GK: variants seen among roughly 807,000 people sequenced by gnomAD.
The protein encoded by GK is glycerol kinase.
In GK, 9 loss-of-function variants were observed where a neutral mutation model predicts 56.4. The ratio of observed to expected loss-of-function variants is 0.16; its 90% confidence interval spans 0.10 to 0.28. GK has a LOEUF of 0.28. Ranked by LOEUF, GK falls within the 10% of genes least tolerant of loss-of-function variation. The pLI is 1.00. For synonymous variants in GK, 104 were observed against 144.1 expected (o/e 0.72, Z 1.99); for missense variants, 161 against 431.4 (o/e 0.37, Z 5.55).
chrX:30,683,022 G>A (rs1332562165), intron 4 of GK, among the ~76,000 whole-genome samples: 1 of 110,781 alleles, frequency 9.0e-6, no homozygotes, highest in African/African-American at 3.3e-5. Context: ...CATCATATTA[G>A]GGGTTAAGAT....
chrX:30,702,981 C>T (rs116753136), intron 11 of GK, among the ~76,000 whole-genome samples: 2,739 of 111,679 alleles, frequency 0.025, 93 homozygotes, highest in African/African-American at 0.083. Flanking sequence ...CAGCCTGAGT[C>T]TGGAAACATT....
At chrX:30,698,881 A>AAAG (rs1555916486) in intron 9 of GK, among the ~76,000 whole-genome samples, 21 of 107,388 alleles carry the variant, frequency 2.0e-4, no homozygotes, top group African/African-American at 5.0e-4. Flanking sequence ...AAAAAAAAAA[A>AAAG]AAAGAAAAGA....
chrX:30,689,425 A>G, intron 4 of GK: 1 of 317,143 alleles, frequency 3.2e-6, no homozygotes, highest in South Asian at 2.7e-5. Flanking sequence ...TATTTCAACT[A>G]AATGAAGTTT....
chrX:30,694,361 C>A (rs1224752810), intron 5 of GK, 39 bp from the exon 6 acceptor site: 1 of 1,168,628 alleles, frequency 8.6e-7, no homozygotes, highest in African/African-American at 1.8e-5. Context: ...TAAACTGTTA[C>A]ACTTTTCATT....
intron 5 of GK, among the ~76,000 whole-genome samples, chrX:30,694,089 T>C (rs1327731019): frequency 1.8e-5 from 2 of 111,937 alleles, no homozygotes; most frequent in Admixed American, 9.5e-5. Context: ...AGGTTCTACA[T>C]ACAATACTAA....
intron 1 of GK, among the ~76,000 whole-genome samples, chrX:30,664,130 ATATATATTT>A (rs1932907825): frequency 2.3e-5 from 2 of 85,512 alleles, no homozygotes; most frequent in East Asian, 3.3e-4. Context: ...ATATAGATCT[ATATATATTT>A]TATAGATATA....
intron 6 of GK, among the ~76,000 whole-genome samples, chrX:30,694,900 G>T (rs1935168039): frequency 8.9e-6 from 1 of 111,776 alleles, no homozygotes; most frequent in African/African-American, 3.2e-5. Flanking sequence ...AATACCTAGA[G>T]TACTTTTATC....
chrX:30,663,454 A>C (rs1932848844), intron 1 of GK, among the ~76,000 whole-genome samples: 1 of 111,715 alleles, frequency 9.0e-6, no homozygotes, highest in East Asian at 2.8e-4. Flanking sequence ...GGCAAATGGA[A>C]CTGGCTTCCT....
At chrX:30,664,136 ATTT>A (rs1352103261) in intron 1 of GK, among the ~76,000 whole-genome samples, 1 of 85,194 alleles carries the variant, frequency 1.2e-5, no homozygotes. Context: ...ATCTATATAT[ATTT>A]TATAGATATA....
chrX:30,673,702 C>T (rs947299121), intron 3 of GK, among the ~76,000 whole-genome samples: 13 of 111,374 alleles, frequency 1.2e-4, no homozygotes, highest in Admixed American at 4.8e-4. Context: ...GGGAGGAACC[C>T]GTGACTGAAG....
chrX:30,655,794 A>G (rs1340057877), intron 1 of GK, among the ~76,000 whole-genome samples: 1 of 111,846 alleles, frequency 8.9e-6, no homozygotes, highest in Non-Finnish European at 1.9e-5. Context: ...CCTAAAAGAC[A>G]TCTTTCTACA....
chrX:30,679,889 C>T (rs1385964792), intron 4 of GK, among the ~76,000 whole-genome samples: 1 of 111,504 alleles, frequency 9.0e-6, no homozygotes, highest in Non-Finnish European at 1.9e-5. Context: ...GATTAGGGAA[C>T]AATCCATAAA....
intron 18 of GK, 42 bp from the exon 19 acceptor site, chrX:30,724,059 A>G (rs549428054): frequency 1.2e-6 from 1 of 822,722 alleles, no homozygotes; most frequent in African/African-American, 2.0e-5. Context: ...CATCTCAGCA[A>G]ACTACCTTTC....
chrX:30,716,824 A>G (rs935452236), intron 13 of GK, among the ~76,000 whole-genome samples: 1 of 111,873 alleles, frequency 8.9e-6, no homozygotes, highest in African/African-American at 3.2e-5. Context: ...GTCCCTTGTA[A>G]GGTATTTCTT....
intron 7 of GK, among the ~76,000 whole-genome samples, chrX:30,696,399 T>A (rs753005673): frequency 2.3e-4 from 26 of 112,510 alleles, no homozygotes; most frequent in African/African-American, 8.4e-4. Flanking sequence ...TTCTGTGTGC[T>A]TTCTAATTTT....
Position 30,730,173 on chromosome X carries a change from T to G in GK, c.*1431T>G, listed in dbSNP as rs1308864171. The G allele has an allele frequency of 1.8e-5, 2 of 112,304 alleles. No individual in the cohort carries two copies. The highest frequency in any genetic ancestry group is 3.8e-5 in the Non-Finnish European group (2 of 53,247). 9.3% of individuals were successfully genotyped at this position (112,304 alleles called of 1,213,427 possible). A position where few individuals can be genotyped will look rare whatever the true frequency, so the allele number is the denominator to read the frequency against. Reference sequence around the variant, plus strand: ...AAAAATATCTTAAAATTACTTTGTTTTGTAGTAAACAGTGAAGAAAAGATT... The same window carrying G: ...AAAAATATCTTAAAATTACTTTGTTGTGTAGTAAACAGTGAAGAAAAGATT... On this transcript the variant is annotated 3_prime_UTR_variant, in exon 21 of 21. Transcript: ENST00000427190.
intron 13 of GK, among the ~76,000 whole-genome samples, chrX:30,713,426 A>G (rs1221087742): frequency 9.0e-6 from 1 of 111,524 alleles, no homozygotes; most frequent in Admixed American, 9.5e-5. Flanking sequence ...TCTCTTTTAT[A>G]TCGTGTCTGT....
chrX:30,658,748 A>C (rs1471317881), intron 1 of GK, among the ~76,000 whole-genome samples: 1 of 112,661 alleles, frequency 8.9e-6, no homozygotes, highest in East Asian at 2.8e-4. Flanking sequence ...GTCTGTCACA[A>C]GACTAAGTGG....
intron 20 of GK, among the ~76,000 whole-genome samples, chrX:30,728,209 A>G (rs1937222913): frequency 8.9e-6 from 1 of 111,752 alleles, no homozygotes. Context: ...AATATATTGC[A>G]TAATCTTATT....
Sources: gnomAD v4.1 joint callset for allele counts (sites outside exome capture counted in the v4.1 genomes callset) on GRCh38, gnomAD v4.1.1 for gene constraint, MANE v1.5 for transcripts, NCBI Gene and HGNC (gene_info 2026-07-23, HGNC 2026-07-21) for gene names.